HS3ST6: variants seen among roughly 807,000 people sequenced by gnomAD.
HS3ST6 encodes the protein heparan sulfate-glucosamine 3-sulfotransferase 6, also known as heparan sulfate glucosamine 3-O-sulfotransferase 6.
Under a neutral mutation model 11.0 loss-of-function variants are expected in HS3ST6, and 13 were observed. The observed-to-expected ratio is 1.18, with a 90% CI of 0.77 to 1.88. The LOEUF (loss-of-function observed/expected upper bound fraction) is 1.88, where lower values mean the gene tolerates loss of function less well. HS3ST6 is among the 40% of genes most tolerant of loss of function. The probability of loss-of-function intolerance (pLI) is 0.00; values close to 1 mark genes in which losing one functional copy is unlikely to be tolerated. For missense variants in HS3ST6, 541 were observed against 494.4 expected (o/e 1.09, Z -0.89); for synonymous variants, 232 against 230.6 (o/e 1.01, Z -0.06).
At chr16:1,919,384 C>G (rs911899000), upstream of HS3ST6, among the ~76,000 whole-genome samples, 1 of 152,222 alleles carries the variant, frequency 6.6e-6, no homozygotes, top group African/African-American at 2.4e-5. Context: ...ACATCCCCAA[C>G]GCCCAGCAGC....
chr16:1,919,696 G>C (rs147190567), upstream of HS3ST6, among the ~76,000 whole-genome samples: 3 of 152,344 alleles, frequency 2.0e-5, no homozygotes, highest in East Asian at 5.8e-4. Context: ...AGGCCTCCAC[G>C]ACCCACAGAC....
chr16:1,911,494 T>C lies in HS3ST6; in HGVS notation c.*96A>G, dbSNP rs1022903194. On this transcript the variant is annotated 3_prime_UTR_variant, in exon 2 of 2. Transcript: ENST00000454677. ...GAAAAATCTGGGTCCAAGCTTTATT[T>C]CTTAAATATTCCTCTCTGCCCAGCA... The C allele has an allele frequency of 5.8e-6, 8 of 1,369,248 alleles. No individual in the cohort carries two copies. The highest frequency in any genetic ancestry group is 7.7e-6 in the Non-Finnish European group (8 of 1,038,796). The allele number at this position is 1,369,248 out of a possible 1,614,324, so 84.8% of individuals were successfully genotyped here.
chr16:1,915,222 G>T (rs2082917972), intron 1 of HS3ST6, among the ~76,000 whole-genome samples: 2 of 152,176 alleles, frequency 1.3e-5, no homozygotes, highest in Non-Finnish European at 2.9e-5. Context: ...GGAACTAAGG[G>T]GTTCCCCTAC....
chr16:1,917,463 A>T (rs1241062865), intron 1 of HS3ST6, among the ~76,000 whole-genome samples: 1 of 152,042 alleles, frequency 6.6e-6, no homozygotes, highest in Non-Finnish European at 1.5e-5. Context: ...GGTCTTGGGG[A>T]GGAAGGACGC....
chr16:1,913,229 C>A (rs2082903728), intron 1 of HS3ST6, among the ~76,000 whole-genome samples: 1 of 152,242 alleles, frequency 6.6e-6, no homozygotes, highest in Non-Finnish European at 1.5e-5. Context: ...GAGGATCCTT[C>A]CCAAGACCCT....
intron 1 of HS3ST6, among the ~76,000 whole-genome samples, chr16:1,915,167 A>G (rs2082917723): frequency 6.6e-6 from 1 of 152,154 alleles, no homozygotes; most frequent in Non-Finnish European, 1.5e-5. Context: ...CTTCCCCACT[A>G]CATACTCAGA....
At chr16:1,915,322 C>A (rs2082918690) in intron 1 of HS3ST6, among the ~76,000 whole-genome samples, 1 of 152,308 alleles carries the variant, frequency 6.6e-6, no homozygotes, top group African/African-American at 2.4e-5. Flanking sequence ...GTCGCCCAGG[C>A]TGGAGTGCAG....
chr16:1,918,890 A>G (rs537827472), upstream of HS3ST6, among the ~76,000 whole-genome samples: 40 of 152,284 alleles, frequency 2.6e-4, no homozygotes, highest in African/African-American at 8.7e-4. The surrounding 1 kb of genome is among the most constrained non-coding windows in gnomAD (Gnocchi z 6.0). Flanking sequence ...CAAGGGAGAA[A>G]GAGGCCGGGA....
chr16:1,918,346 G>A lies in HS3ST6; in HGVS notation c.-23C>T, dbSNP rs527921797. Reference sequence around the variant, plus strand: ...CATGGGGTCGCGCCGCTCCAGGCCCGGGAGCGGGGGCAGCAGGCGGGCGCG... The same window carrying A: ...CATGGGGTCGCGCCGCTCCAGGCCCAGGAGCGGGGGCAGCAGGCGGGCGCG... On this transcript the variant is annotated 5_prime_UTR_variant, in exon 1 of 2. Coordinates refer to ENST00000454677, the MANE Select transcript of HS3ST6 (RefSeq NM_001009606.4). The surrounding 1 kb of genome is among the most constrained non-coding windows in gnomAD (Gnocchi z 6.0). The A allele has an allele frequency of 0.011, 3,441 of 315,830 alleles. 56 individuals are homozygous for A. Among genetic ancestry groups the A allele is most frequent in the Non-Finnish European group, 0.013 (2,790 of 219,156 alleles). The allele number at this position is 315,830 out of a possible 1,614,324, so 19.6% of individuals were successfully genotyped here.
Position 1,918,137 on chromosome 16 carries a change from C to G in HS3ST6, c.187G>C (p.Ala63Pro). Reference protein sequence around the residue: ...PAARAPAPAPAPSEPSSSVHR... With the variant: ...PAARAPAPAPPPSEPSSSVHR... The stretch of plus-strand genomic sequence containing the variant: ...ACGGAGCTGGACGGCTCGGAGGGCG[C>G]GGGGGCCGGCGCGGGGGCGCGGGCG... Residue 63 changes from alanine to proline, a missense_variant, in exon 1 of 2, where the codon GCG (alanine) becomes CCG (proline). Transcript: ENST00000454677. The surrounding 1 kb of genome is among the most constrained non-coding windows in gnomAD (Gnocchi z 6.0). 4 of 1,201,176 alleles carry G rather than the reference C, an allele frequency of 3.3e-6. No individual in the cohort carries two copies. Among genetic ancestry groups the G allele is most frequent in the Non-Finnish European group, 4.1e-6 (4 of 969,316 alleles). The allele number at this position is 1,201,176 out of a possible 1,614,324, so 74.4% of individuals were successfully genotyped here.
intron 1 of HS3ST6, 146 bp downstream of exon 1, chr16:1,917,764 TG>T: frequency 2.2e-6 from 1 of 459,646 alleles, no homozygotes; most frequent in Non-Finnish European, 3.5e-6. Flanking sequence ...AGGTCAAGCC[TG>T]GGGCCCCCAC....
intron 1 of HS3ST6, among the ~76,000 whole-genome samples, chr16:1,916,403 T>C (rs1289126169): frequency 6.9e-6 from 1 of 145,780 alleles, no homozygotes; most frequent in African/African-American, 2.6e-5. Flanking sequence ...CCTCCAACCC[T>C]GGGCACGTCA....
chr16:1,911,821 GA>G lies in HS3ST6; in HGVS notation c.797del (p.Phe266SerfsTer4), dbSNP rs1879885717. 1 of 1,613,808 alleles carries G rather than the reference GA, an allele frequency of 6.2e-7. No individual in the cohort carries two copies. The highest frequency in any genetic ancestry group is 8.5e-7 in the Non-Finnish European group (1 of 1,179,802). On this transcript the variant is annotated frameshift_variant, in exon 2 of 2. Transcript: ENST00000454677. LOFTEE classifies it high-confidence loss of function. ...CCGTGACGACCCGTTTCAGGCCCAG[GA>G]AGTCCTGCACGCGGCCGACCTCTCC... ...PAGEVGRVQDFLGLKRVVTDK... is the reference protein window; with the variant it reads ...PAGEVGRVQDXLGLKRVVTDK...
Position 1,918,336 on chromosome 16 carries a change from C to G in HS3ST6, c.-13G>C. ...CGCTACCTGCCATGGGGTCGCGCCGCTCCAGGCCCGGGAGCGGGGGCAGCA... is the reference window on the plus strand; with the variant it reads ...CGCTACCTGCCATGGGGTCGCGCCGGTCCAGGCCCGGGAGCGGGGGCAGCA... On this transcript the variant is annotated 5_prime_UTR_variant, in exon 1 of 2. Coordinates refer to ENST00000454677, the MANE Select transcript of HS3ST6 (RefSeq NM_001009606.4). The surrounding 1 kb of genome is among the most constrained non-coding windows in gnomAD (Gnocchi z 6.0). The G allele has an allele frequency of 3.5e-6, 1 of 285,186 alleles. No homozygotes were observed. The highest frequency in any genetic ancestry group is 1.6e-4 in the South Asian group (1 of 6,174). The allele number at this position is 285,186 out of a possible 1,614,324, so 17.7% of individuals were successfully genotyped here. A position where few individuals can be genotyped will look rare whatever the true frequency, so the allele number is the denominator to read the frequency against.
At chr16:1,918,856 C>T (rs1367265757), upstream of HS3ST6, among the ~76,000 whole-genome samples, 1 of 152,132 alleles carries the variant, frequency 6.6e-6, no homozygotes, top group African/African-American at 2.4e-5. The surrounding 1 kb of genome is among the most constrained non-coding windows in gnomAD (Gnocchi z 6.0). Flanking sequence ...CCAGGAAAAG[C>T]GTCGATCCGG....
intron 1 of HS3ST6, among the ~76,000 whole-genome samples, chr16:1,914,444 C>G (rs1266520142): frequency 6.6e-6 from 1 of 152,180 alleles, no homozygotes; most frequent in African/African-American, 2.4e-5. Context: ...GGGAAAGACC[C>G]CAGGCCTCAT....
chr16:1,918,140 G>GGGCCGGCGCGGGGGCGCGGGC lies in HS3ST6; in HGVS notation c.163_183dup (p.Ala55_Ala61dup), dbSNP rs900762417. ...GAGCTGGACGGCTCGGAGGGCGCGG[G>GGGCCGGCGCGGGGGCGCGGGC]GGCCGGCGCGGGGGCGCGGGCGGCC... is the stretch of plus-strand genomic sequence containing the variant. On this transcript the variant is annotated inframe_insertion, in exon 1 of 2. Transcript: ENST00000454677. This position sits in a 1 kb window ranked among gnomAD's most constrained non-coding sequence, Gnocchi z 6.0. 1.7e-6 allele frequency: 2 copies of GGGCCGGCGCGGGGGCGCGGGC among 1,196,124 alleles called. No homozygotes were observed. Among genetic ancestry groups the GGGCCGGCGCGGGGGCGCGGGC allele is most frequent in the South Asian group, 8.3e-5 (2 of 24,146 alleles). 74.1% of individuals were successfully genotyped at this position (1,196,124 alleles called of 1,614,324 possible).
chr16:1,920,337 C>G (rs368760278), upstream of HS3ST6, among the ~76,000 whole-genome samples: 3 of 142,790 alleles, frequency 2.1e-5, no homozygotes, highest in African/African-American at 7.8e-5. Flanking sequence ...CGGTCTCAGC[C>G]GTCCCCACGG....
intron 1 of HS3ST6, among the ~76,000 whole-genome samples, chr16:1,913,208 G>A (rs572378183): frequency 4.6e-5 from 7 of 152,350 alleles, no homozygotes; most frequent in East Asian, 1.9e-4. Flanking sequence ...GAGACGTGGC[G>A]GCGCCGGCCG....
Sources: allele counts gnomAD v4.1 joint callset (sites outside exome capture counted in the v4.1 genomes callset), GRCh38; gene constraint gnomAD v4.1.1; non-coding constraint Gnocchi (gnomAD v3.1); transcripts MANE v1.5; gene names NCBI Gene and HGNC (gene_info 2026-07-23, HGNC 2026-07-21).